NXN: variants seen among roughly 807,000 people sequenced by gnomAD.
The protein encoded by NXN is nucleoredoxin.
Under a neutral mutation model 48.6 loss-of-function variants are expected in NXN, and 16 were observed. The ratio of observed to expected loss-of-function variants is 0.33; its 90% CI spans 0.22 to 0.50. The LOEUF (loss-of-function observed/expected upper bound fraction) is 0.50. NXN is among the 20% of genes least tolerant of loss of function. The pLI, the probability that NXN is intolerant of heterozygous loss-of-function variation, is 0.98. For synonymous variants in NXN, 281 were observed against 269.6 expected (o/e 1.04, Z -0.41); for missense variants, 492 against 605.5 (o/e 0.81, Z 1.97).
chr17:943,560 G>T lies in NXN; in HGVS notation c.360+35759C>A, dbSNP rs10468611. ...TACCGGGCTGGGCACAGTGGCTCACGCCTGTAATCCCAGCAGTTTGGGAGG... is the reference window on the plus strand; with the variant it reads ...TACCGGGCTGGGCACAGTGGCTCACTCCTGTAATCCCAGCAGTTTGGGAGG... On this transcript the variant is annotated intron_variant, in intron 1 of 7. Coordinates refer to ENST00000336868, the MANE Select transcript of NXN (RefSeq NM_022463.5). Among the ~76,000 whole-genome samples the T allele has an allele frequency of 2.0e-5, 3 of 152,064 alleles. No individual in the cohort carries two copies. In the South Asian group the frequency reaches 6.2e-4, roughly 32 times the overall value.
chr17:911,895 A>G (rs2068640154), intron 1 of NXN, among the ~76,000 whole-genome samples: 1 of 151,638 alleles, frequency 6.6e-6, no homozygotes, highest in Non-Finnish European at 1.5e-5. Flanking sequence ...CCCTCAGGTA[A>G]TCCCCTCAGT....
chr17:961,398 A>C (rs1323493025), intron 1 of NXN, among the ~76,000 whole-genome samples: 3 of 152,000 alleles, frequency 2.0e-5, no homozygotes, highest in Admixed American at 2.0e-4. Flanking sequence ...AAAAAAAAAA[A>C]AGAAAAAGAA....
chr17:874,272 A>G (rs992370776), intron 1 of NXN, among the ~76,000 whole-genome samples: 3 of 152,186 alleles, frequency 2.0e-5, no homozygotes, highest in African/African-American at 7.2e-5. Context: ...ACTGTGAGTC[A>G]GTTAAACCTC....
intron 1 of NXN, among the ~76,000 whole-genome samples, chr17:927,704 A>G (rs2068815155): frequency 6.6e-6 from 1 of 151,870 alleles, no homozygotes; most frequent in Non-Finnish European, 1.5e-5. Flanking sequence ...GGAGGAGCAG[A>G]AGGAGGCATA....
intron 1 of NXN, among the ~76,000 whole-genome samples, chr17:842,735 C>T (rs913314105): frequency 2.0e-5 from 3 of 152,134 alleles, no homozygotes; most frequent in Admixed American, 6.6e-5. Context: ...GTCAGGAGTT[C>T]AAGACCAGCC....
At chr17:931,367 T>C (rs1394061584) in intron 1 of NXN, among the ~76,000 whole-genome samples, 1 of 147,868 alleles carries the variant, frequency 6.8e-6, no homozygotes, top group African/African-American at 2.5e-5. Context: ...GCAGAAGAAA[T>C]GCTTAAACCT....
chr17:832,178 A>G (rs920889257), intron 1 of NXN, among the ~76,000 whole-genome samples: 3 of 143,560 alleles, frequency 2.1e-5, no homozygotes, highest in Non-Finnish European at 4.5e-5. Flanking sequence ...CTTAGCCAGG[A>G]ATTTTTTTTT....
chr17:883,398 T>A (rs2068306677), intron 1 of NXN, among the ~76,000 whole-genome samples: 2 of 152,054 alleles, frequency 1.3e-5, no homozygotes, highest in Admixed American at 6.5e-5. Flanking sequence ...CTGGCTGTTG[T>A]CAAAGTAGTC....
chr17:802,819 C>A (rs1911274711), intron 7 of NXN, among the ~76,000 whole-genome samples: 1 of 152,204 alleles, frequency 6.6e-6, no homozygotes, highest in Non-Finnish European at 1.5e-5. Context: ...CGCCTGCCTC[C>A]TCCGTGCCTC....
chr17:925,623 A>C (rs981084189), intron 1 of NXN, among the ~76,000 whole-genome samples: 1 of 152,138 alleles, frequency 6.6e-6, no homozygotes, highest in Non-Finnish European at 1.5e-5. Flanking sequence ...TCCTGACCTC[A>C]GGTGATCCGC....
chr17:884,049 T>G (rs148393088), intron 1 of NXN, among the ~76,000 whole-genome samples: 2,076 of 151,826 alleles, frequency 0.014, 52 homozygotes, highest in African/African-American at 0.047. Flanking sequence ...AAACCCTGTC[T>G]CTACTAAAAA....
At chr17:824,268 C>T (rs999073379) in intron 2 of NXN, among the ~76,000 whole-genome samples, 1 of 151,400 alleles carries the variant, frequency 6.6e-6, no homozygotes, top group Non-Finnish European at 1.5e-5. Context: ...AGGATGGCCT[C>T]GATCTCCTGA....
chr17:824,098 G>A (rs1912967386), intron 2 of NXN, among the ~76,000 whole-genome samples: 1 of 150,528 alleles, frequency 6.6e-6, no homozygotes, highest in Non-Finnish European at 1.5e-5. Flanking sequence ...GGAGTGCAGT[G>A]GCGCAATCTC....
At chr17:896,066 A>T (rs1337730891) in intron 1 of NXN, among the ~76,000 whole-genome samples, 2 of 151,724 alleles carry the variant, frequency 1.3e-5, no homozygotes, top group African/African-American at 4.8e-5. Context: ...TAGGCTGGGC[A>T]TGGTGGCTTA....
At chr17:877,644 C>A (rs2068231733) in intron 1 of NXN, among the ~76,000 whole-genome samples, 1 of 152,172 alleles carries the variant, frequency 6.6e-6, no homozygotes, top group Non-Finnish European at 1.5e-5. Context: ...ATACTACTGG[C>A]ACATAGAGGA....
intron 1 of NXN, among the ~76,000 whole-genome samples, chr17:841,284 G>C (rs2144706598): frequency 6.6e-6 from 1 of 152,348 alleles, no homozygotes; most frequent in South Asian, 2.1e-4. Context: ...TCACGCTGCA[G>C]GGGCGTCAAA....
intron 1 of NXN, among the ~76,000 whole-genome samples, chr17:938,832 G>A (rs2068937664): frequency 6.6e-6 from 1 of 152,144 alleles, no homozygotes; most frequent in Non-Finnish European, 1.5e-5. Flanking sequence ...GGCCGAGGCG[G>A]GCGGATCACT....
chr17:819,867 G>C (rs759844956), intron 4 of NXN, among the ~76,000 whole-genome samples: 35 of 152,166 alleles, frequency 2.3e-4, no homozygotes, highest in Non-Finnish European at 3.1e-4. Context: ...GCTCAGATGT[G>C]CACAGCCACT....
At chr17:843,020 GAAAGAAAGAAAGAA>G (rs1914445251) in intron 1 of NXN, among the ~76,000 whole-genome samples, 1 of 126,000 alleles carries the variant, frequency 7.9e-6, no homozygotes, top group Non-Finnish European at 1.7e-5. Flanking sequence ...AAGAAAGAAA[GAAAGAAAGAAAGAA>G]AGAAAGAAAG....
Sources: allele counts gnomAD v4.1 joint callset (sites outside exome capture counted in the v4.1 genomes callset), GRCh38; gene constraint gnomAD v4.1.1; transcripts MANE v1.5; gene names NCBI Gene and HGNC (gene_info 2026-07-23, HGNC 2026-07-21).